Variants in STAT5B observed in about 807,000 individuals in gnomAD.
The protein encoded by STAT5B is transcription factor STAT5B.
In STAT5B, 21 loss-of-function variants were observed where a neutral mutation model predicts 107.8. The observed-to-expected ratio is 0.19, with a 90% CI of 0.14 to 0.28. The LOEUF (loss-of-function observed/expected upper bound fraction) is 0.28. Ranked by LOEUF, STAT5B falls within the 10% of genes least tolerant of loss-of-function variation. The pLI is 1.00. For synonymous variants in STAT5B, 325 were observed against 401.7 expected (o/e 0.81, Z 2.28); for missense variants, 565 against 1,008.2 (o/e 0.56, Z 5.95).
At chr17:42,239,246 C>CAAAAA (rs770177992) in intron 1 of STAT5B, among the ~76,000 whole-genome samples, 4 of 52,504 alleles carry the variant, frequency 7.6e-5, no homozygotes, top group Admixed American at 2.1e-4. Context: ...GACTCTGTCT[C>CAAAAA]AAAAAAAAAA....
intron 1 of STAT5B, among the ~76,000 whole-genome samples, chr17:42,249,986 G>A (rs953149200): frequency 6.6e-6 from 1 of 152,102 alleles, no homozygotes; most frequent in African/African-American, 2.4e-5. Context: ...TTAAGAGAGT[G>A]TTAAACTACA....
chr17:42,213,217 T>C (rs1031665998), intron 12 of STAT5B, among the ~76,000 whole-genome samples: 1 of 152,180 alleles, frequency 6.6e-6, no homozygotes, highest in Admixed American at 6.6e-5. Flanking sequence ...CACAATTATT[T>C]TTTTTTTTAG....
At chr17:42,205,711 A>T (rs115016010) in intron 16 of STAT5B, among the ~76,000 whole-genome samples, 1,791 of 152,224 alleles carry the variant, frequency 0.012, 26 homozygotes, top group African/African-American at 0.041. Context: ...GGAATTTGAG[A>T]CCAGTCTGGG....
At chr17:42,211,855 A>C in intron 13 of STAT5B, 129 bp downstream of exon 13, 413 of 1,241,540 alleles carry the variant, frequency 3.3e-4, no homozygotes, top group Non-Finnish European at 4.4e-4. Flanking sequence ...CCATCTAGTC[A>C]GAAGCTTCTA....
intron 1 of STAT5B, among the ~76,000 whole-genome samples, chr17:42,268,125 C>T (rs922650263): frequency 2.0e-5 from 3 of 152,138 alleles, no homozygotes; most frequent in Admixed American, 6.6e-5. Context: ...CCTTCACATT[C>T]ACTCACCATT....
chr17:42,267,832 G>A lies in STAT5B; in HGVS notation c.-11+8416C>T, dbSNP rs547106966. On this transcript the variant is annotated intron_variant, in intron 1 of 18. Transcript: ENST00000293328. ...AAATTAGCCAGGCGTGGTGGCACAC[G>A]CCTGTAATCCCAGCTATTCGGGAGG... 3.3e-4 allele frequency among the ~76,000 whole-genome samples: 50 copies of A among 151,886 alleles called. 1 individual carries two copies. The highest frequency in any genetic ancestry group is 1.5e-3 in the South Asian group (7 of 4,816).
chr17:42,264,606 G>A (rs920805924), intron 1 of STAT5B, among the ~76,000 whole-genome samples: 65 of 152,052 alleles, frequency 4.3e-4, no homozygotes, highest in African/African-American at 1.4e-3. Flanking sequence ...CCAGTCTATC[G>A]TTGTTGGACA....
chr17:42,265,377 C>CTTTTTTTTTTTTTTT lies in STAT5B; in HGVS notation c.-11+10870_-11+10871insAAAAAAAAAAAAAAA, dbSNP rs371149930. 3.9e-4 allele frequency among the ~76,000 whole-genome samples: 43 copies of CTTTTTTTTTTTTTTT among 110,552 alleles called. 2 individuals carry two copies. The highest frequency in any genetic ancestry group is 1.7e-3 in the South Asian group (5 of 2,956). The allele number at this position is 110,552 out of a possible 152,430, so 72.5% of individuals were successfully genotyped here. A position where few individuals can be genotyped will look rare whatever the true frequency, so the allele number is the denominator to read the frequency against. ...GCTAAGTCAAAGGGTATGTACTCTT[C>CTTTTTTTTTTTTTTT]TTTTTTTTTTTTGAGACGAAGTCTC... On this transcript the variant is annotated intron_variant, in intron 1 of 18. Transcript: ENST00000293328.
In STAT5B at chr17:42,212,134, C is replaced by T. The variant is rs781030237; in HGVS notation, c.1530G>A (p.Ala510=). ...CTTCGGCCTTGAATTTCATGTTGAG[C>T]GCCTCACACAGCTGTGGCCACAGCA... The part of the protein sequence containing the change: ...DKVLWPQLCE[A]LNMKFKAEVQ... The change falls in exon 13 of 19, where the codon GCG becomes GCA. Residue 510 remains alanine, a synonymous_variant. Coordinates refer to ENST00000293328, the MANE Select transcript of STAT5B (RefSeq NM_012448.4). 2.3e-5 allele frequency: 37 copies of T among 1,613,988 alleles called. No homozygotes were observed. The highest frequency in any genetic ancestry group is 2.8e-5 in the Non-Finnish European group (33 of 1,180,016).
the STAT5B span, among the ~76,000 whole-genome samples, chr17:42,283,201 G>T: frequency 6.6e-6 from 1 of 152,174 alleles, no homozygotes; most frequent in East Asian, 1.9e-4. Flanking sequence ...TCAGCGGGAA[G>T]AGCGGCCTGA....
chr17:42,223,670 T>C, intron 4 of STAT5B, 114 bp from the exon 5 acceptor site: 1 of 1,362,964 alleles, frequency 7.3e-7, no homozygotes, highest in Non-Finnish European at 1.0e-6. Context: ...AAGGTAAATT[T>C]TGAGTCGGGA....
chr17:42,255,443 G>GC (rs1241678333), intron 1 of STAT5B, among the ~76,000 whole-genome samples: 3 of 152,172 alleles, frequency 2.0e-5, no homozygotes, highest in Non-Finnish European at 2.9e-5. Context: ...CATTGCACAT[G>GC]CATCACTGGC....
At chr17:42,209,714 AG>A (rs1235991315) in intron 15 of STAT5B, among the ~76,000 whole-genome samples, 1 of 152,230 alleles carries the variant, frequency 6.6e-6, no homozygotes, top group Non-Finnish European at 1.5e-5. Context: ...TTTCAAAAAA[AG>A]AAAAGAACTA....
intron 1 of STAT5B, among the ~76,000 whole-genome samples, chr17:42,264,761 T>C (rs1401212337): frequency 2.8e-5 from 4 of 141,524 alleles, no homozygotes; most frequent in Admixed American, 1.4e-4. Flanking sequence ...TTTCTAGTTC[T>C]AGATCCCTGA....
intron 1 of STAT5B, among the ~76,000 whole-genome samples, chr17:42,247,720 G>A (rs1034225507): frequency 3.9e-5 from 6 of 152,132 alleles, no homozygotes; most frequent in East Asian, 1.9e-4. Context: ...GGCTGAGGCA[G>A]GAGGATCACC....
intron 1 of STAT5B, among the ~76,000 whole-genome samples, chr17:42,265,860 G>A (rs994471741): frequency 6.6e-6 from 1 of 151,992 alleles, no homozygotes; most frequent in Non-Finnish European, 1.5e-5. Flanking sequence ...TTTCCAGTAT[G>A]GGTGAACACT....
At chr17:42,250,819 G>A (rs995345629) in intron 1 of STAT5B, among the ~76,000 whole-genome samples, 2 of 151,684 alleles carry the variant, frequency 1.3e-5, no homozygotes, top group Non-Finnish European at 2.9e-5. Flanking sequence ...AGCTACTCGG[G>A]AGGCTGAGGC....
intron 5 of STAT5B, among the ~76,000 whole-genome samples, chr17:42,221,899 G>C (rs1170682202): frequency 6.7e-6 from 1 of 150,234 alleles, no homozygotes; most frequent in Non-Finnish European, 1.5e-5. Flanking sequence ...AGCATGTGCT[G>C]TGTGTGTGTG....
At chr17:42,207,462 CAAG>C in intron 16 of STAT5B, 93 bp downstream of exon 16, 1 of 1,495,936 alleles carries the variant, frequency 6.7e-7, no homozygotes, top group Non-Finnish European at 9.3e-7. Flanking sequence ...GGTTTTCACA[CAAG>C]AGAGATAACA....
Sources: gnomAD v4.1 joint callset for allele counts (sites outside exome capture counted in the v4.1 genomes callset) on GRCh38, gnomAD v4.1.1 for gene constraint, MANE v1.5 for transcripts, NCBI Gene and HGNC (gene_info 2026-07-23, HGNC 2026-07-21) for gene names.